Variants in TNKS observed in about 807,000 individuals in gnomAD.
TNKS encodes the protein tankyrase, also known as poly [ADP-ribose] polymerase tankyrase-1.
Under a neutral mutation model 135.8 loss-of-function variants are expected in TNKS, and 72 were observed. That is an observed-to-expected ratio of 0.53 (90% CI 0.44 to 0.64). The LOEUF (loss-of-function observed/expected upper bound fraction) is 0.64. TNKS is among the 30% of genes least tolerant of loss of function. The pLI is 0.00. For missense variants in TNKS, 1,769 were observed against 1,674.0 expected (o/e 1.06, Z -0.99); for synonymous variants, 849 against 649.3 (o/e 1.31, Z -4.68).
In TNKS at chr8:9,691,047, T is replaced by G. The variant is rs567475524; in HGVS notation, c.1107+10247T>G. On this transcript the variant is annotated intron_variant, in intron 5 of 26. Coordinates refer to ENST00000310430, the MANE Select transcript of TNKS (RefSeq NM_003747.3). ...TAGATCAGACCATATTTGGATTTAG[T>G]GCTCAATTTAGGGTGTCACATTTTA... Among the ~76,000 whole-genome samples, 13 of 152,284 alleles carry G rather than the reference T, an allele frequency of 8.5e-5. No individual in the cohort carries two copies. In the East Asian group the frequency reaches 2.3e-3, roughly 27 times the overall value.
chr8:9,632,204 A>T (rs993210213), intron 3 of TNKS, among the ~76,000 whole-genome samples: 6 of 152,208 alleles, frequency 3.9e-5, no homozygotes, highest in Non-Finnish European at 8.8e-5. Flanking sequence ...ACTTTAAACC[A>T]CTAAGTCAGT....
At chr8:9,580,076 T>C in intron 1 of TNKS, 83 bp from the exon 2 acceptor site, 1 of 1,174,720 alleles carries the variant, frequency 8.5e-7, no homozygotes. Flanking sequence ...TTGTTCATAC[T>C]TGTTGATATT....
At chr8:9,582,696 C>G (rs1018256559) in intron 2 of TNKS, among the ~76,000 whole-genome samples, 2 of 152,212 alleles carry the variant, frequency 1.3e-5, no homozygotes, top group South Asian at 2.1e-4. Context: ...AGAGGATAAG[C>G]TAGTACATAT....
chr8:9,661,294 G>T (rs1585294197), intron 3 of TNKS, among the ~76,000 whole-genome samples: 1 of 152,182 alleles, frequency 6.6e-6, no homozygotes, highest in Non-Finnish European at 1.5e-5. Context: ...TAAGCTGAAA[G>T]AACAAAGCTG....
At chr8:9,593,396 G>T (rs76787882) in intron 2 of TNKS, among the ~76,000 whole-genome samples, 3,508 of 152,252 alleles carry the variant, frequency 0.023, 46 homozygotes, top group Non-Finnish European at 0.034. Context: ...TGAAGGTTCT[G>T]TTCACACAGT....
chr8:9,726,269 T>A (rs188073278), intron 12 of TNKS, among the ~76,000 whole-genome samples: 4 of 152,184 alleles, frequency 2.6e-5, no homozygotes, highest in Admixed American at 2.0e-4. Context: ...TGTACACGTG[T>A]GGTCTCAGCT....
At chr8:9,682,811 ATAT>A (rs1802838763) in intron 5 of TNKS, among the ~76,000 whole-genome samples, 1 of 91,506 alleles carries the variant, frequency 1.1e-5, no homozygotes, top group Non-Finnish European at 2.7e-5. Context: ...ATTATTACTA[ATAT>A]TATTATATTA....
Position 9,680,746 on chromosome 8 carries a change from A to G in TNKS, c.1053A>G (p.Leu351=), listed in dbSNP as rs1185438860. Residue 351 remains leucine (L), a synonymous_variant, in exon 5 of 27, where the codon CTA becomes CTG. Transcript: ENST00000310430. ...ATAGGAGTGGTAATGAAGAAAAACT[A>G]ATGGCTTTACTGACTCCTCTAAATG... ...EAARSGNEEK[L]MALLTPLNVN... is the part of the protein sequence containing the mutation. 1.6e-5 allele frequency: 26 copies of G among 1,612,536 alleles called. No individual in the cohort carries two copies. The highest frequency in any genetic ancestry group is 2.0e-5 in the Non-Finnish European group (24 of 1,179,012).
intron 3 of TNKS, among the ~76,000 whole-genome samples, chr8:9,671,671 G>T (rs1230358391): frequency 6.6e-6 from 1 of 152,188 alleles, no homozygotes; most frequent in Non-Finnish European, 1.5e-5. Context: ...CTGTCTTGAA[G>T]TGTAGTGTTC....
At chr8:9,776,183 G>T (rs1282984569) in intron 26 of TNKS, among the ~76,000 whole-genome samples, 1 of 152,092 alleles carries the variant, frequency 6.6e-6, no homozygotes, top group Non-Finnish European at 1.5e-5. Context: ...CTGGGTTATT[G>T]GTGACTCAGT....
At chr8:9,769,683 G>A (rs376361877) in intron 25 of TNKS, among the ~76,000 whole-genome samples, 35 of 142,334 alleles carry the variant, frequency 2.5e-4, no homozygotes, top group African/African-American at 6.1e-4. Flanking sequence ...GCAGTGGCGC[G>A]ATCTCGGCTC....
At chr8:9,707,077 T>A in intron 8 of TNKS, 80 bp downstream of exon 8, 5 of 1,217,348 alleles carry the variant, frequency 4.1e-6, no homozygotes, top group Non-Finnish European at 5.6e-6. Context: ...CCTTAAATAA[T>A]AACCTTCCAT....
chr8:9,704,840 T>G (rs1803976991), intron 6 of TNKS, 83 bp downstream of exon 6: 1 of 1,042,718 alleles, frequency 9.6e-7, no homozygotes, highest in Non-Finnish European at 1.4e-6. Flanking sequence ...CAAAGTCATA[T>G]GTCCCATTTG....
chr8:9,724,298 T>A (rs566568617), intron 12 of TNKS, among the ~76,000 whole-genome samples: 4 of 152,122 alleles, frequency 2.6e-5, no homozygotes, highest in South Asian at 2.1e-4. Flanking sequence ...TAAAAATTTT[T>A]AAAAATTAGC....
intron 5 of TNKS, among the ~76,000 whole-genome samples, chr8:9,691,458 C>T (rs1353034500): frequency 6.6e-6 from 1 of 152,178 alleles, no homozygotes; most frequent in Admixed American, 6.5e-5. Context: ...AAGAGTAATT[C>T]TTGCCCCTCA....
intron 3 of TNKS, chr8:9,670,612 C>T (rs749141741): frequency 3.3e-5 from 5 of 152,106 alleles, no homozygotes; most frequent in Non-Finnish European, 4.4e-5. Flanking sequence ...ATAAACTTGT[C>T]TGCCTAGTTA....
intron 1 of TNKS, among the ~76,000 whole-genome samples, chr8:9,563,052 T>G (rs955874790): frequency 6.6e-6 from 1 of 152,132 alleles, no homozygotes; most frequent in Non-Finnish European, 1.5e-5. Context: ...TCTTCTAAAT[T>G]TGTTACTTGC....
intron 1 of TNKS, among the ~76,000 whole-genome samples, chr8:9,565,532 C>G (rs1797491130): frequency 1.3e-5 from 2 of 152,070 alleles, no homozygotes; most frequent in Admixed American, 1.3e-4. Context: ...CTCAAAAAAC[C>G]TTAAAGCTAT....
At chr8:9,556,912 G>A in intron 1 of TNKS, 1 of 531,474 alleles carries the variant, frequency 1.9e-6, no homozygotes, top group Non-Finnish European at 3.3e-6. Context: ...TGGTGTGCAG[G>A]AATACAGTTA....
Sources: gnomAD v4.1 joint callset for allele counts (sites outside exome capture counted in the v4.1 genomes callset) on GRCh38, gnomAD v4.1.1 for gene constraint, MANE v1.5 for transcripts, NCBI Gene and HGNC (gene_info 2026-07-23, HGNC 2026-07-21) for gene names.